The following MACROD2 variants were observed in gnomAD, a reference collection of about 807,000 sequenced individuals.
MACROD2 encodes the protein mono-ADP ribosylhydrolase 2.
A neutral mutation model predicts 70.4 loss-of-function variants in MACROD2; 36 were observed. The observed-to-expected ratio is 0.51, with a 90% CI of 0.39 to 0.68. MACROD2 has a LOEUF of 0.68. Among genes scored for constraint, MACROD2 ranks in the 30% least tolerant of loss-of-function variants. The pLI is 0.00. For synonymous variants in MACROD2, 172 were observed against 178.8 expected (o/e 0.96, Z 0.30); for missense variants, 496 against 538.4 (o/e 0.92, Z 0.78).
At chr20:15,104,747 A>C (rs2075898561) in intron 5 of MACROD2, among the ~76,000 whole-genome samples, 1 of 152,098 alleles carries the variant, frequency 6.6e-6, no homozygotes, top group Non-Finnish European at 1.5e-5. Flanking sequence ...TGCAGCCTCC[A>C]TCTTGAATAT....
At chr20:15,944,655 T>G (rs2065796538) in intron 12 of MACROD2, among the ~76,000 whole-genome samples, 1 of 152,208 alleles carries the variant, frequency 6.6e-6, no homozygotes, top group South Asian at 2.1e-4. Flanking sequence ...CATGATCATT[T>G]CTGTAAGAAA....
intron 3 of MACROD2, among the ~76,000 whole-genome samples, chr20:14,440,771 G>A (rs773732679): frequency 6.6e-6 from 1 of 152,194 alleles, no homozygotes; most frequent in Non-Finnish European, 1.5e-5. Context: ...AATACCATGG[G>A]ATCTCCAGGC....
In MACROD2 at chr20:15,155,992, A is replaced by G. The variant is rs114599344; in HGVS notation, c.419-73948A>G. Among the ~76,000 whole-genome samples, 169 of 152,324 alleles carry G rather than the reference A, an allele frequency of 1.1e-3. 1 individual carries two copies. The highest frequency in any genetic ancestry group is 3.5e-3 in the African/African-American group (145 of 41,574). On this transcript the variant is annotated intron_variant, in intron 5 of 17. Coordinates refer to ENST00000684519, the MANE Select transcript of MACROD2 (RefSeq NM_001351661.2). The stretch of plus-strand genomic sequence containing the variant: ...AGACATCCTGGTGTGTGGGTTTTAA[A>G]TAATGCATTTCCTTTACCCTTAGGT...
rs554783370 is a variant in MACROD2 at position 14,742,775 on chromosome 20, T to TTA, written c.418+57817_418+57818insAT. ...TAAACTTTATTTTATTTTATTTTAT[T>TTA]TTTTTTTTTGAGATGGAGTCTCACT... On this transcript the variant is annotated intron_variant, in intron 5 of 17. Coordinates refer to ENST00000684519, the MANE Select transcript of MACROD2 (RefSeq NM_001351661.2). Among the ~76,000 whole-genome samples the TTA allele has an allele frequency of 4.2e-4, 63 of 149,972 alleles. 2 individuals carry two copies. The South Asian group carries it at 0.01, about 24-fold the overall frequency.
At position 14,720,536 on chromosome 20, in the gene MACROD2, C is replaced by CTTTTTTTTTTTTTTTTTTTTTTT. The variant is rs753673265; in HGVS notation, c.418+35589_418+35611dup. 3.6e-4 allele frequency among the ~76,000 whole-genome samples: 13 copies of CTTTTTTTTTTTTTTTTTTTTTTT among 35,946 alleles called. 2 individuals are homozygous for CTTTTTTTTTTTTTTTTTTTTTTT. The highest frequency in any genetic ancestry group is 4.3e-4 in the African/African-American group (4 of 9,260). 23.6% of individuals were successfully genotyped at this position (35,946 alleles called of 152,430 possible). ...GTTTCATTTCCCAGCTGCCCCACAA[C>CTTTTTTTTTTTTTTTTTTTTTTT]TTTTTTTTTTTTTTTTTTTTTTTTT... On this transcript the variant is annotated intron_variant, in intron 5 of 17. Coordinates refer to ENST00000684519, the MANE Select transcript of MACROD2 (RefSeq NM_001351661.2).
intron 5 of MACROD2, among the ~76,000 whole-genome samples, chr20:15,102,992 T>C (rs1021529601): frequency 2.6e-5 from 4 of 152,154 alleles, no homozygotes; most frequent in Non-Finnish European, 4.4e-5. Context: ...TACAGTGATA[T>C]GTCTTATTTA....
chr20:14,077,984 C>T (rs560500576), intron 2 of MACROD2, among the ~76,000 whole-genome samples: 2 of 151,572 alleles, frequency 1.3e-5, no homozygotes, highest in Non-Finnish European at 2.9e-5. Flanking sequence ...CTCACTGCAA[C>T]CTCTGCCTCC....
chr20:15,096,887 C>T (rs2075837627), intron 5 of MACROD2, among the ~76,000 whole-genome samples: 1 of 146,004 alleles, frequency 6.8e-6, no homozygotes, highest in African/African-American at 2.6e-5. Flanking sequence ...TCTTGGCTCA[C>T]TGAAACCTCC....
chr20:15,041,453 CTT>C (rs1430677986), intron 5 of MACROD2, among the ~76,000 whole-genome samples: 3 of 151,856 alleles, frequency 2.0e-5, no homozygotes, highest in Non-Finnish European at 4.4e-5. Flanking sequence ...CTCTCTCTCT[CTT>C]ACTTTTTTGA....
chr20:15,852,650 G>A (rs551909801), intron 8 of MACROD2, among the ~76,000 whole-genome samples: 37 of 152,248 alleles, frequency 2.4e-4, no homozygotes, highest in Admixed American at 1.0e-3. Context: ...ACTCCTATGG[G>A]GTCTTGTGAA....
intron 5 of MACROD2, among the ~76,000 whole-genome samples, chr20:14,830,559 T>C (rs2072952987): frequency 6.6e-6 from 1 of 152,158 alleles, no homozygotes; most frequent in Non-Finnish European, 1.5e-5. Context: ...GATGTGCACA[T>C]AGCACTAGAA....
intron 6 of MACROD2, among the ~76,000 whole-genome samples, chr20:15,296,820 T>C (rs541732925): frequency 6.6e-6 from 1 of 152,376 alleles, no homozygotes; most frequent in South Asian, 2.1e-4. Context: ...TAAGTGGATG[T>C]TAATGAAATT....
At chr20:15,647,463 A>G (rs1450955087) in intron 8 of MACROD2, among the ~76,000 whole-genome samples, 2 of 152,234 alleles carry the variant, frequency 1.3e-5, no homozygotes, top group Non-Finnish European at 2.9e-5. Flanking sequence ...GGAGTCAGCA[A>G]TCCCCACATT....
chr20:15,805,021 C>A (rs1169536919), intron 8 of MACROD2, among the ~76,000 whole-genome samples: 2 of 152,182 alleles, frequency 1.3e-5, no homozygotes, highest in African/African-American at 4.8e-5. Context: ...ACGTGCTGAA[C>A]AATGCATCCT....
chr20:14,758,194 C>T (rs530205371), intron 5 of MACROD2: 1 of 270,224 alleles, frequency 3.7e-6, no homozygotes, highest in South Asian at 4.7e-5. Context: ...TCTAGTGTCT[C>T]CTTTGCTGCG....
intron 5 of MACROD2, among the ~76,000 whole-genome samples, chr20:15,214,831 A>C (rs372324055): frequency 1.3e-5 from 2 of 152,314 alleles, no homozygotes; most frequent in South Asian, 4.1e-4. Flanking sequence ...TACTCTATTG[A>C]TATCATGTGC....
intron 8 of MACROD2, among the ~76,000 whole-genome samples, chr20:15,758,300 G>A (rs111576123): frequency 0.039 from 5,759 of 148,062 alleles, 175 homozygotes; most frequent in Non-Finnish European, 0.052. Context: ...GTGTAGTGGC[G>A]GGATCTTGGC....
chr20:15,935,786 T>A (rs149440979), intron 11 of MACROD2, among the ~76,000 whole-genome samples: 1 of 152,334 alleles, frequency 6.6e-6, no homozygotes, highest in Non-Finnish European at 1.5e-5. Flanking sequence ...GAAATTTATA[T>A]TCTGGTGGGG....
At chr20:15,169,666 T>G (rs552628630) in intron 5 of MACROD2, among the ~76,000 whole-genome samples, 1 of 152,342 alleles carries the variant, frequency 6.6e-6, no homozygotes, top group East Asian at 1.9e-4. Context: ...ACTGATGTAG[T>G]TTTAGTCATA....
Sources: allele counts gnomAD v4.1 joint callset (sites outside exome capture counted in the v4.1 genomes callset), GRCh38; gene constraint gnomAD v4.1.1; transcripts MANE v1.5; gene names NCBI Gene and HGNC (gene_info 2026-07-23, HGNC 2026-07-21).